The following SLC12A7 variants were observed in gnomAD, a reference collection of about 807,000 sequenced individuals.
SLC12A7 encodes solute carrier family 12 member 7, also known as K-Cl cotransporter 4.
Under a neutral mutation model 120.6 loss-of-function variants are expected in SLC12A7, and 100 were observed. That is an observed-to-expected ratio of 0.83 (90% CI 0.71 to 0.98). The LOEUF (loss-of-function observed/expected upper bound fraction) is 0.98, where lower values mean the gene tolerates loss of function less well. Ranked by LOEUF, SLC12A7 falls within the 50% of genes least tolerant of loss-of-function variation. SLC12A7 has a pLI of 0.00. For synonymous variants in SLC12A7, 760 were observed against 678.0 expected (o/e 1.12, Z -1.88); for missense variants, 1,373 against 1,548.1 (o/e 0.89, Z 1.90).
intron 22 of SLC12A7, among the ~76,000 whole-genome samples, chr5:1,054,068 AG>A (rs1440271278): frequency 6.6e-6 from 1 of 152,222 alleles, no homozygotes; most frequent in Non-Finnish European, 1.5e-5. Context: ...TGAAGCTCCC[AG>A]GCCTGACAAG....
At chr5:1,054,275 G>A (rs1735368114) in intron 22 of SLC12A7, among the ~76,000 whole-genome samples, 1 of 152,230 alleles carries the variant, frequency 6.6e-6, no homozygotes, top group South Asian at 2.1e-4. Context: ...GCTCTCTGAA[G>A]CTGCTGTGGC....
Position 1,064,193 on chromosome 5 carries a change from A to G in SLC12A7, c.2497T>C (p.Ser833Pro). 6.2e-7 allele frequency: 1 copy of G among 1,612,334 alleles called. No individual in the cohort carries two copies. The highest frequency in any genetic ancestry group is 8.5e-7 in the Non-Finnish European group (1 of 1,179,658). Residue 833 changes from serine to proline, a missense_variant, in exon 19 of 24, where the codon TCG (serine) becomes CCG (proline). Physicochemically the swap from Ser to Pro is moderately conservative, Grantham distance 74 (BLOSUM62 -1). Transcript: ENST00000264930. ...QALLVAKNVDSFPQNQERFGG... is the reference protein window; with the variant it reads ...QALLVAKNVDPFPQNQERFGG... ...AAGCGCTCCTGGTTTTGCGGAAACGAGTCGACGTTCTTGGCCACCAGCAGA... is the reference window on the plus strand; with the variant it reads ...AAGCGCTCCTGGTTTTGCGGAAACGGGTCGACGTTCTTGGCCACCAGCAGA...
At chr5:1,081,099 G>C (rs1352506489) in intron 9 of SLC12A7, among the ~76,000 whole-genome samples, 3 of 25,322 alleles carry the variant, frequency 1.2e-4, no homozygotes, top group African/African-American at 1.7e-4. Context: ...GAGGGAAAAG[G>C]GTAGGGGGAG....
At chr5:1,059,310 C>A (rs148598014) in intron 21 of SLC12A7, among the ~76,000 whole-genome samples, 1 of 152,232 alleles carries the variant, frequency 6.6e-6, no homozygotes, top group African/African-American at 2.4e-5. Context: ...GAGCAGCAGT[C>A]GCTGCTTAGT....
At chr5:1,118,378 A>G in the SLC12A7 span, among the ~76,000 whole-genome samples, 1 of 152,252 alleles carries the variant, frequency 6.6e-6, no homozygotes, top group Admixed American at 6.5e-5. Flanking sequence ...ACAGAGAGAT[A>G]AGAAGATCCC....
chr5:1,123,424 T>C, the SLC12A7 span, among the ~76,000 whole-genome samples: 5 of 152,156 alleles, frequency 3.3e-5, no homozygotes, highest in African/African-American at 1.2e-4. Flanking sequence ...CACCAACTCC[T>C]GGAGGCGCAC....
At chr5:1,122,546 G>A in the SLC12A7 span, among the ~76,000 whole-genome samples, 10 of 152,270 alleles carry the variant, frequency 6.6e-5, no homozygotes, top group Non-Finnish European at 1.2e-4. Flanking sequence ...CGGACGAACC[G>A]CATTCCCACA....
In SLC12A7 at chr5:1,076,679, C is replaced by G; in HGVS notation, c.1748+15G>C. 1.3e-6 allele frequency: 2 copies of G among 1,596,242 alleles called. No individual in the cohort carries two copies. Among genetic ancestry groups the G allele is most frequent in the Non-Finnish European group, 1.7e-6 (2 of 1,167,778 alleles). ...CATACACCCATCCCCAGGTCCCCGTCCTGTGGGGGCTCACATGGAGAGGAT... is the reference window on the plus strand; with the variant it reads ...CATACACCCATCCCCAGGTCCCCGTGCTGTGGGGGCTCACATGGAGAGGAT... On this transcript the variant is annotated intron_variant, in intron 13 of 23. Coordinates refer to ENST00000264930, the MANE Select transcript of SLC12A7 (RefSeq NM_006598.3).
chr5:1,087,771 C>G (rs1384736512), intron 5 of SLC12A7, among the ~76,000 whole-genome samples: 1 of 152,238 alleles, frequency 6.6e-6, no homozygotes, highest in Admixed American at 6.5e-5. Flanking sequence ...TCTCCGTTCA[C>G]TAGTTATTTC....
At chr5:1,133,364 G>A in the SLC12A7 span, among the ~76,000 whole-genome samples, 12 of 152,224 alleles carry the variant, frequency 7.9e-5, no homozygotes, top group East Asian at 3.9e-4. Flanking sequence ...CTTGAATCCC[G>A]TCAGCCCCAC....
the SLC12A7 span, among the ~76,000 whole-genome samples, chr5:1,152,808 G>A: frequency 6.6e-6 from 1 of 152,128 alleles, no homozygotes; most frequent in Non-Finnish European, 1.5e-5. Context: ...AGGCCTGCGG[G>A]GATTACTGAC....
chr5:1,101,884 G>C (rs989689527), intron 1 of SLC12A7, among the ~76,000 whole-genome samples: 2 of 151,028 alleles, frequency 1.3e-5, no homozygotes, highest in African/African-American at 4.9e-5. Flanking sequence ...TCTATCTGCT[G>C]AGCATTAACA....
upstream of SLC12A7, among the ~76,000 whole-genome samples, chr5:1,113,715 A>T (rs918327099): frequency 2.6e-5 from 4 of 152,182 alleles, no homozygotes; most frequent in African/African-American, 9.7e-5. Flanking sequence ...GTTCCCAGGC[A>T]TCCTTATGAG....
chr5:1,064,856 C>T (rs4975697), intron 18 of SLC12A7, among the ~76,000 whole-genome samples: 50,705 of 74,962 alleles, frequency 0.68, 17,819 homozygotes, highest in South Asian at 0.81. Flanking sequence ...GGCGAGGAGA[C>T]GGCGAGGGGA....
the SLC12A7 span, among the ~76,000 whole-genome samples, chr5:1,130,120 C>T: frequency 3.3e-5 from 5 of 152,204 alleles, no homozygotes; most frequent in East Asian, 3.9e-4. Context: ...GAATTGCACC[C>T]GTTTGGTTTA....
chr5:1,104,673 C>CG (rs72525894), intron 1 of SLC12A7, among the ~76,000 whole-genome samples: 1 of 63,592 alleles, frequency 1.6e-5, no homozygotes, highest in Non-Finnish European at 3.2e-5. Context: ...CCGAGGCCCA[C>CG]CGGGGGGTGC....
At position 1,078,843 on chromosome 5, in the gene SLC12A7, G is replaced by A. The variant is rs1404815230; in HGVS notation, c.1397-85C>T. Reference sequence around the variant, plus strand: ...TGGGGTGGGGTGGGGTGGGGTGGGTGGGGAGATGCACTGGCCAGCGGGCCG... The same window carrying A: ...TGGGGTGGGGTGGGGTGGGGTGGGTAGGGAGATGCACTGGCCAGCGGGCCG... On this transcript the variant is annotated intron_variant, in intron 10 of 23. Transcript: ENST00000264930. The A allele has an allele frequency of 1.5e-5, 10 of 651,044 alleles. No homozygotes were observed. The African/African-American group carries it at 1.7e-4, about 11-fold the overall frequency. 40.3% of individuals were successfully genotyped at this position (651,044 alleles called of 1,614,324 possible).
rs1561066889 is a variant in SLC12A7 at position 1,079,381 on chromosome 5, C to T, written c.1396+17G>A. On this transcript the variant is annotated intron_variant, in intron 10 of 23. Transcript: ENST00000264930. Reference sequence around the variant, plus strand: ...AGGCAGAGGCTGGAACCCTCGCCTGCACCCCTCCAAGGATACAGATGAAAG... The same window carrying T: ...AGGCAGAGGCTGGAACCCTCGCCTGTACCCCTCCAAGGATACAGATGAAAG... The T allele has an allele frequency of 9.4e-6, 15 of 1,597,178 alleles. No individual in the cohort carries two copies. Among genetic ancestry groups the T allele is most frequent in the South Asian group, 4.4e-5 (4 of 90,780 alleles).
At chr5:1,075,585 ACT>A (rs1358595749) in intron 14 of SLC12A7, 95 bp from the exon 15 acceptor site, 49 of 1,466,462 alleles carry the variant, frequency 3.3e-5, no homozygotes, top group Middle Eastern at 3.8e-4. Flanking sequence ...CCTCAGTAAA[ACT>A]CTCTGTTAAC....
Sources: gnomAD v4.1 joint callset for allele counts (sites outside exome capture counted in the v4.1 genomes callset) on GRCh38, gnomAD v4.1.1 for gene constraint, MANE v1.5 for transcripts, NCBI Gene and HGNC (gene_info 2026-07-23, HGNC 2026-07-21) for gene names.